The following MYO1D variants were observed in gnomAD, a reference collection of about 807,000 sequenced individuals.
The protein encoded by MYO1D is myosin ID.
Under a neutral mutation model 122.0 loss-of-function variants are expected in MYO1D, and 83 were observed. The observed-to-expected ratio is 0.68, with a 90% confidence interval of 0.57 to 0.82. MYO1D has a LOEUF of 0.82. MYO1D is among the 40% of genes least tolerant of loss of function. MYO1D has a pLI of 0.00. For missense variants in MYO1D, 1,157 were observed against 1,269.5 expected (o/e 0.91, Z 1.35); for synonymous variants, 464 against 446.9 (o/e 1.04, Z -0.48).
intron 1 of MYO1D, among the ~76,000 whole-genome samples, chr17:32,786,957 A>G (rs1273592686): frequency 6.6e-6 from 1 of 152,182 alleles, no homozygotes; most frequent in African/African-American, 2.4e-5. Flanking sequence ...CACTCCCCCA[A>G]AGAAAACCAC....
At chr17:32,791,524 C>A (rs1050012437) in intron 1 of MYO1D, among the ~76,000 whole-genome samples, 1 of 152,016 alleles carries the variant, frequency 6.6e-6, no homozygotes, top group African/African-American at 2.4e-5. Context: ...TTAAGAAACA[C>A]ACCCTGAATT....
intron 1 of MYO1D, among the ~76,000 whole-genome samples, chr17:32,866,705 A>T (rs2091128375): frequency 6.6e-6 from 1 of 152,214 alleles, no homozygotes; most frequent in Non-Finnish European, 1.5e-5. Context: ...ACAAGAATGA[A>T]AGAAGTGCAG....
At chr17:32,678,058 C>T (rs2088848588) in intron 16 of MYO1D, among the ~76,000 whole-genome samples, 1 of 152,086 alleles carries the variant, frequency 6.6e-6, no homozygotes, top group Non-Finnish European at 1.5e-5. Context: ...AGAAGATGGA[C>T]ACTATGGTGA....
intron 16 of MYO1D, among the ~76,000 whole-genome samples, chr17:32,675,556 T>C (rs972935137): frequency 1.8e-4 from 27 of 152,164 alleles, no homozygotes; most frequent in African/African-American, 6.3e-4. Context: ...AACAGGAATA[T>C]GATTAATTTT....
At position 32,779,643 on chromosome 17, in the gene MYO1D, A is replaced by C. The variant is rs1232288395; in HGVS notation, c.304+933T>G. Among the ~76,000 whole-genome samples the C allele has an allele frequency of 5.3e-5, 8 of 152,136 alleles. No homozygotes were observed. In the East Asian group the frequency reaches 1.4e-3, roughly 26 times the overall value. ...CAAGGCGAAGAAACGTTTTGCTTTT[A>C]CTCCACACACTCATATAATTGTTTT... On this transcript the variant is annotated intron_variant, in intron 2 of 21. Transcript: ENST00000318217.
chr17:32,824,015 C>T (rs1277042872), intron 1 of MYO1D, among the ~76,000 whole-genome samples: 2 of 138,542 alleles, frequency 1.4e-5, no homozygotes, highest in Non-Finnish European at 3.0e-5. Context: ...TGCAGTGAGC[C>T]GAGATCAGGC....
At chr17:32,725,421 T>C (rs1050742268) in intron 14 of MYO1D, among the ~76,000 whole-genome samples, 1 of 151,982 alleles carries the variant, frequency 6.6e-6, no homozygotes, top group African/African-American at 2.4e-5. Context: ...CTCAGGAGGC[T>C]GAGGCAGGAG....
intron 1 of MYO1D, among the ~76,000 whole-genome samples, chr17:32,847,105 T>C (rs1285887366): frequency 1.3e-5 from 2 of 152,234 alleles, no homozygotes; most frequent in African/African-American, 2.4e-5. Flanking sequence ...TTAAAAACTA[T>C]ACCTGAATTT....
intron 21 of MYO1D, among the ~76,000 whole-genome samples, chr17:32,580,852 C>T (rs943567814): frequency 6.6e-6 from 1 of 152,118 alleles, no homozygotes; most frequent in Non-Finnish European, 1.5e-5. Context: ...AAATTGGATG[C>T]ACTAAATATT....
At chr17:32,693,404 G>T (rs909614022) in intron 16 of MYO1D, among the ~76,000 whole-genome samples, 1 of 151,718 alleles carries the variant, frequency 6.6e-6, no homozygotes, top group African/African-American at 2.4e-5. Flanking sequence ...AAAAAAAGTG[G>T]TGAGGGAGAA....
intron 8 of MYO1D, among the ~76,000 whole-genome samples, chr17:32,762,770 A>T (rs1334879469): frequency 6.6e-6 from 1 of 150,870 alleles, no homozygotes; most frequent in African/African-American, 2.4e-5. Flanking sequence ...GCTACTCAGG[A>T]GGCTGAGGCA....
At chr17:32,832,714 T>C (rs370474800) in intron 1 of MYO1D, among the ~76,000 whole-genome samples, 3 of 152,336 alleles carry the variant, frequency 2.0e-5, no homozygotes, top group African/African-American at 7.2e-5. Context: ...TGCATTAAAA[T>C]GGCGAATTTC....
At chr17:32,761,132 C>G (rs1341057785) in intron 8 of MYO1D, among the ~76,000 whole-genome samples, 1 of 152,178 alleles carries the variant, frequency 6.6e-6, no homozygotes, top group Non-Finnish European at 1.5e-5. Flanking sequence ...TGCACAAGAA[C>G]ACACACACTA....
At chr17:32,631,641 C>T (rs1324790493) in intron 20 of MYO1D, among the ~76,000 whole-genome samples, 1 of 150,564 alleles carries the variant, frequency 6.6e-6, no homozygotes, top group African/African-American at 2.4e-5. Flanking sequence ...AGCGAGAACC[C>T]GTCTCTTAAA....
intron 1 of MYO1D, among the ~76,000 whole-genome samples, chr17:32,868,631 T>A (rs2091150700): frequency 6.6e-6 from 1 of 152,166 alleles, no homozygotes; most frequent in South Asian, 2.1e-4. Context: ...TCGGGAAGGA[T>A]TCAGGAAGAG....
intron 14 of MYO1D, among the ~76,000 whole-genome samples, chr17:32,730,561 G>T (rs1236921032): frequency 6.6e-6 from 1 of 152,134 alleles, no homozygotes; most frequent in Middle Eastern, 3.4e-3. Context: ...ATTCTTTATT[G>T]TGCCTTTGTT....
intron 13 of MYO1D, among the ~76,000 whole-genome samples, chr17:32,744,689 C>T (rs1277837665): frequency 6.6e-6 from 1 of 152,202 alleles, no homozygotes; most frequent in African/African-American, 2.4e-5. Context: ...TGGATTTAAA[C>T]TTGTTATCAT....
intron 21 of MYO1D, among the ~76,000 whole-genome samples, chr17:32,600,591 C>A (rs1392548306): frequency 6.6e-6 from 1 of 152,218 alleles, no homozygotes; most frequent in Non-Finnish European, 1.5e-5. Context: ...TTTCTTAATT[C>A]TCATGAACCA....
chr17:32,863,668 T>A (rs1215607004), intron 1 of MYO1D, among the ~76,000 whole-genome samples: 1 of 152,238 alleles, frequency 6.6e-6, no homozygotes, highest in Non-Finnish European at 1.5e-5. Flanking sequence ...GTCATGATGA[T>A]CTAAGTCATT....
Sources: allele counts gnomAD v4.1 joint callset (sites outside exome capture counted in the v4.1 genomes callset), GRCh38; gene constraint gnomAD v4.1.1; transcripts MANE v1.5; gene names NCBI Gene and HGNC (gene_info 2026-07-23, HGNC 2026-07-21).